ELOVL4: variants seen among roughly 807,000 people sequenced by gnomAD.
ELOVL4 encodes ELOVL fatty acid elongase 4, also known as very long chain fatty acid elongase 4.
In ELOVL4, 18 loss-of-function variants were observed where a neutral mutation model predicts 42.1. That is an observed-to-expected ratio of 0.43 (90% confidence interval 0.30 to 0.63). The LOEUF (loss-of-function observed/expected upper bound fraction) is 0.63, where lower values mean the gene tolerates loss of function less well. Among genes scored for constraint, ELOVL4 ranks in the 30% least tolerant of loss-of-function variants. The pLI is 0.15. For synonymous variants in ELOVL4, 117 were observed against 127.0 expected (o/e 0.92, Z 0.53); for missense variants, 299 against 376.2 (o/e 0.79, Z 1.70).
In ELOVL4 at chr6:79,915,752, A is replaced by C. The variant is rs1378324861; in HGVS notation, c.*856T>G. On this transcript the variant is annotated 3_prime_UTR_variant, in exon 6 of 6. Coordinates refer to ENST00000369816, the MANE Select transcript of ELOVL4 (RefSeq NM_022726.4). ...AAATCAAAACAAGGAAAGCCTGATA[A>C]AAATCAACATATTCTAACAGCACAT... 1 of 152,636 alleles carries C rather than the reference A, an allele frequency of 6.6e-6. No individual in the cohort carries two copies. The highest frequency in any genetic ancestry group is 1.5e-5 in the Non-Finnish European group (1 of 68,018). 9.5% of individuals were successfully genotyped at this position (152,636 alleles called of 1,614,324 possible).
intron 1 of ELOVL4, among the ~76,000 whole-genome samples, 186 bp downstream of exon 1, chr6:79,946,994 C>T (rs985713664): frequency 1.1e-4 from 17 of 152,144 alleles, no homozygotes; most frequent in African/African-American, 3.6e-4. Context: ...GAGGGGAGGC[C>T]TTAACATTCG....
intron 1 of ELOVL4, among the ~76,000 whole-genome samples, chr6:79,934,832 A>T (rs1223810808): frequency 6.6e-6 from 1 of 152,190 alleles, no homozygotes; most frequent in African/African-American, 2.4e-5. Flanking sequence ...TTTCATTATT[A>T]TTGACACTGA....
At chr6:79,932,396 T>G (rs1774461856) in intron 1 of ELOVL4, among the ~76,000 whole-genome samples, 1 of 151,488 alleles carries the variant, frequency 6.6e-6, no homozygotes, top group African/African-American at 2.4e-5. Flanking sequence ...CAAAAAAAAT[T>G]TAGCTGGGCG....
At position 79,926,315 on chromosome 6, in the gene ELOVL4, TAA is replaced by T. The variant is rs1774342365; in HGVS notation, c.165_166del (p.Tyr56SerfsTer27). On this transcript the variant is annotated frameshift_variant, in exon 2 of 6. Transcript: ENST00000369816. LOFTEE classifies it high-confidence loss of function. Reference sequence around the variant, plus strand: ...TGGACCCAGCCACACAAACAGGAGATAAAGAGTGCTTATACTTAGTGTAGGCC... The same window carrying T: ...TGGACCCAGCCACACAAACAGGAGATAGAGTGCTTATACTTAGTGTAGGCC... 1 of 1,613,936 alleles carries T rather than the reference TAA, an allele frequency of 6.2e-7. No individual in the cohort carries two copies. The highest frequency in any genetic ancestry group is 1.7e-5 in the Admixed American group (1 of 59,988).
rs376258395 is a variant in ELOVL4, at chr6:79,916,202, G to A, written c.*406C>T. The A allele has an allele frequency of 4.9e-6, 1 of 202,172 alleles. No individual in the cohort carries two copies. Among genetic ancestry groups the A allele is most frequent in the Non-Finnish European group, 1.0e-5 (1 of 97,896 alleles). 12.5% of individuals were successfully genotyped at this position (202,172 alleles called of 1,614,324 possible). Reference sequence around the variant, plus strand: ...AATGTAACACCACTGATTTCAGTCAGTAGATAAGATAATTAGTAATTTATC... The same window carrying A: ...AATGTAACACCACTGATTTCAGTCAATAGATAAGATAATTAGTAATTTATC... On this transcript the variant is annotated 3_prime_UTR_variant, in exon 6 of 6. Transcript: ENST00000369816.
At position 79,916,111 on chromosome 6, in the gene ELOVL4, C is replaced by T. The variant is rs535654094; in HGVS notation, c.*497G>A. 6.1e-6 allele frequency: 1 copy of T among 163,314 alleles called. No homozygotes were observed. Among genetic ancestry groups the T allele is most frequent in the Admixed American group, 5.8e-5 (1 of 17,104 alleles). The allele number at this position is 163,314 out of a possible 1,614,324, so 10.1% of individuals were successfully genotyped here. On this transcript the variant is annotated 3_prime_UTR_variant, in exon 6 of 6. Transcript: ENST00000369816. ...CTAGAGGTGGAGAGATTTGACCATT[C>T]CGGTCAGCAAATGAATTCAAATGTG...
At chr6:79,945,338 T>C (rs1336489150) in intron 1 of ELOVL4, among the ~76,000 whole-genome samples, 3 of 152,198 alleles carry the variant, frequency 2.0e-5, no homozygotes, top group African/African-American at 7.2e-5. Flanking sequence ...ATTATATTAT[T>C]TTATATGCCC....
intron 1 of ELOVL4, among the ~76,000 whole-genome samples, chr6:79,941,673 G>T (rs942398980): frequency 1.3e-5 from 2 of 152,110 alleles, no homozygotes; most frequent in Admixed American, 6.6e-5. Context: ...AGCAGCCAGG[G>T]CAACATGGTG....
intron 1 of ELOVL4, among the ~76,000 whole-genome samples, chr6:79,931,637 T>G (rs1370834167): frequency 6.6e-6 from 1 of 152,192 alleles, no homozygotes; most frequent in Non-Finnish European, 1.5e-5. Flanking sequence ...TCTGGCAGAC[T>G]TGGGCCAGGA....
chr6:79,921,842 G>T, intron 3 of ELOVL4, 46 bp from the exon 4 acceptor site: 2 of 1,568,268 alleles, frequency 1.3e-6, no homozygotes, highest in Non-Finnish European at 1.8e-6. Flanking sequence ...TGACACTATT[G>T]TATGGGTTTA....
intron 1 of ELOVL4, among the ~76,000 whole-genome samples, chr6:79,932,315 C>T (rs900748473): frequency 3.3e-5 from 5 of 151,766 alleles, no homozygotes; most frequent in African/African-American, 7.3e-5. Context: ...CCGAGGCAGG[C>T]GAATCACTTG....
At chr6:79,921,459 C>CAAAAAAAAAAAAAAAAAA (rs1168483827) in intron 4 of ELOVL4, among the ~76,000 whole-genome samples, 166 bp downstream of exon 4, 2 of 42,368 alleles carry the variant, frequency 4.7e-5, no homozygotes, top group Non-Finnish European at 8.4e-5. Flanking sequence ...GACTCCATCT[C>CAAAAAAAAAAAAAAAAAA]AAAAAAAAAA....
intron 1 of ELOVL4, among the ~76,000 whole-genome samples, chr6:79,929,938 G>A (rs1043783214): frequency 6.6e-6 from 1 of 152,160 alleles, no homozygotes; most frequent in Non-Finnish European, 1.5e-5. Flanking sequence ...AATAAATAAA[G>A]AGTAGATAAT....
Position 79,915,959 on chromosome 6 carries a change from G to C in ELOVL4, c.*649C>G, listed in dbSNP as rs1457132495. The C allele has an allele frequency of 6.6e-6, 1 of 152,542 alleles. No individual in the cohort carries two copies. The highest frequency in any genetic ancestry group is 2.4e-5 in the African/African-American group (1 of 41,376). 9.4% of individuals were successfully genotyped at this position (152,542 alleles called of 1,614,324 possible). A position where few individuals can be genotyped will look rare whatever the true frequency, so the allele number is the denominator to read the frequency against. ...GTGCCTCAAGTCATGGTGATCTCTG[G>C]GTCACCAGACAAGACTTTACTGCAA... is the stretch of plus-strand genomic sequence containing the variant. On this transcript the variant is annotated 3_prime_UTR_variant, in exon 6 of 6. Coordinates refer to ENST00000369816, the MANE Select transcript of ELOVL4 (RefSeq NM_022726.4).
At position 79,947,310 on chromosome 6, in the gene ELOVL4, G is replaced by A. The variant is rs1222029626; in HGVS notation, c.-31C>T. 1.6e-5 allele frequency: 25 copies of A among 1,560,984 alleles called. No homozygotes were observed. In the African/African-American group the frequency reaches 2.7e-4, roughly 17 times the overall value. ...CGATGAGCGGGCGCTGGCGGCAGGA[G>A]AAAGCGGAGACCCAGAGAGAGGGCT... On this transcript the variant is annotated 5_prime_UTR_variant, in exon 1 of 6. Transcript: ENST00000369816.
chr6:79,935,753 T>A (rs189790543), intron 1 of ELOVL4, among the ~76,000 whole-genome samples: 27 of 152,292 alleles, frequency 1.8e-4, no homozygotes, highest in Admixed American at 1.6e-3. Context: ...TCTAAATACA[T>A]CTAGCATTTG....
chr6:79,928,715 A>G lies in ELOVL4; in HGVS notation c.101-2334T>C, dbSNP rs116111139. Among the ~76,000 whole-genome samples the G allele has an allele frequency of 2.0e-3, 281 of 143,020 alleles. 1 individual carries two copies. Among genetic ancestry groups the G allele is most frequent in the African/African-American group, 7.3e-3 (275 of 37,648 alleles). The allele number at this position is 143,020 out of a possible 152,430, so 93.8% of individuals were successfully genotyped here. A position where few individuals can be genotyped will look rare whatever the true frequency, so the allele number is the denominator to read the frequency against. ...CACACAAGACCCTACCAGTAAGTAG[A>G]CTGGTGACTGGGTTTTTTTTTTTTT... is the stretch of plus-strand genomic sequence containing the variant. On this transcript the variant is annotated intron_variant, in intron 1 of 5. Coordinates refer to ENST00000369816, the MANE Select transcript of ELOVL4 (RefSeq NM_022726.4).
At chr6:79,918,837 A>G (rs1416855009) in intron 5 of ELOVL4, among the ~76,000 whole-genome samples, 2 of 152,204 alleles carry the variant, frequency 1.3e-5, no homozygotes, top group Non-Finnish European at 2.9e-5. Context: ...AAAGACCACC[A>G]TTTGAAAATA....
At chr6:79,929,627 G>A (rs1774410880) in intron 1 of ELOVL4, among the ~76,000 whole-genome samples, 1 of 152,162 alleles carries the variant, frequency 6.6e-6, no homozygotes, top group South Asian at 2.1e-4. Context: ...CCCCTTTTGA[G>A]CAGTAACAAA....
Sources: allele counts gnomAD v4.1 joint callset (sites outside exome capture counted in the v4.1 genomes callset), GRCh38; gene constraint gnomAD v4.1.1; transcripts MANE v1.5; gene names NCBI Gene and HGNC (gene_info 2026-07-23, HGNC 2026-07-21).